CAST: variants seen among roughly 807,000 people sequenced by gnomAD.
CAST encodes the protein calpastatin, also known as MIR583 host.
Under a neutral mutation model 119.6 loss-of-function variants are expected in CAST, and 76 were observed. The observed-to-expected ratio is 0.64, with a 90% CI of 0.53 to 0.77. The LOEUF (loss-of-function observed/expected upper bound fraction) is 0.77. Ranked by LOEUF, CAST falls within the 30% of genes least tolerant of loss-of-function variation. The probability of loss-of-function intolerance (pLI) is 0.00; values close to 1 mark genes in which losing one functional copy is unlikely to be tolerated. For missense variants in CAST, 953 were observed against 946.5 expected (o/e 1.01, Z -0.09); for synonymous variants, 319 against 331.6 (o/e 0.96, Z 0.41).
the CAST span, among the ~76,000 whole-genome samples, chr5:96,409,055 T>C: frequency 6.6e-6 from 1 of 152,232 alleles, no homozygotes; most frequent in Non-Finnish European, 1.5e-5. Flanking sequence ...TTACCCGAGA[T>C]GTTCTCTGTG....
the CAST span, among the ~76,000 whole-genome samples, chr5:96,034,784 C>T: frequency 2.6e-5 from 4 of 151,000 alleles, no homozygotes; most frequent in Non-Finnish European, 5.9e-5. Context: ...CCAACCACCC[C>T]GACCCCTGAT....
the CAST span, among the ~76,000 whole-genome samples, chr5:96,154,690 C>G: frequency 6.6e-6 from 1 of 152,164 alleles, no homozygotes; most frequent in Non-Finnish European, 1.5e-5. Context: ...TGTTTGATGA[C>G]CTTGACTGTT....
the CAST span, among the ~76,000 whole-genome samples, chr5:96,325,245 A>G: frequency 6.6e-6 from 1 of 152,090 alleles, no homozygotes; most frequent in Non-Finnish European, 1.5e-5. Context: ...TAGGAAACTA[A>G]AGCTGAAGAC....
At chr5:96,219,453 A>T in the CAST span, among the ~76,000 whole-genome samples, 1 of 152,202 alleles carries the variant, frequency 6.6e-6, no homozygotes, top group East Asian at 1.9e-4. Flanking sequence ...TCAGAGAGCT[A>T]CTAAATAACT....
rs150051348 is a variant in CAST, at chr5:96,541,250, A to C, written c.60+11370A>C. ...CCAATACTACTTTATTTTTTGCTCA[A>C]ATTGTTCCAGCTTTGGCTACTAAGA... On this transcript the variant is annotated intron_variant, in intron 1 of 11. Coordinates refer to the CAST transcript ENST00000505143. 4.6e-3 allele frequency among the ~76,000 whole-genome samples: 704 copies of C among 152,098 alleles called. 5 individuals carry two copies. The highest frequency in any genetic ancestry group is 0.016 in the African/African-American group (666 of 41,496).
At chr5:96,769,432 G>C (rs181021792) in intron 29 of CAST, 8 of 149,148 alleles carry the variant, frequency 5.4e-5, no homozygotes, top group Non-Finnish European at 8.9e-5. Context: ...ACAAAAGCCA[G>C]TCCTGATCGA....
At chr5:96,061,161 C>G in the CAST span, among the ~76,000 whole-genome samples, 1 of 152,020 alleles carries the variant, frequency 6.6e-6, no homozygotes, top group African/African-American at 2.4e-5. Flanking sequence ...ACACAAAATT[C>G]CACTCCTAAC....
chr5:96,099,824 A>T, the CAST span, among the ~76,000 whole-genome samples: 1 of 152,178 alleles, frequency 6.6e-6, no homozygotes, highest in Non-Finnish European at 1.5e-5. Context: ...TGGTATCAGG[A>T]TGATAATGCT....
At chr5:96,452,731 A>G in the CAST span, among the ~76,000 whole-genome samples, 1 of 143,942 alleles carries the variant, frequency 6.9e-6, no homozygotes, top group Non-Finnish European at 1.5e-5. Flanking sequence ...CGGGTGGATC[A>G]TGAGGTCAGG....
chr5:96,579,744 T>C (rs1352472460), intron 1 of CAST, among the ~76,000 whole-genome samples: 1 of 152,220 alleles, frequency 6.6e-6, no homozygotes, highest in Non-Finnish European at 1.5e-5. Flanking sequence ...TTGTAGTTCA[T>C]GGGGCAGAAC....
the CAST span, among the ~76,000 whole-genome samples, chr5:96,038,341 C>T: frequency 6.6e-6 from 1 of 151,928 alleles, no homozygotes; most frequent in African/African-American, 2.4e-5. Context: ...ATTGCATCCT[C>T]ATGGAGGGGA....
chr5:96,322,253 G>A, the CAST span, among the ~76,000 whole-genome samples: 2 of 152,120 alleles, frequency 1.3e-5, no homozygotes, highest in Non-Finnish European at 2.9e-5. Context: ...TACATTTTGG[G>A]AGGCTGCTTG....
At chr5:96,519,922 T>A in the CAST span, among the ~76,000 whole-genome samples, 2 of 152,214 alleles carry the variant, frequency 1.3e-5, no homozygotes, top group Non-Finnish European at 2.9e-5. Context: ...TTCTAATCCT[T>A]ATTTTCTCTT....
the CAST span, among the ~76,000 whole-genome samples, chr5:96,085,048 C>A: frequency 2.0e-5 from 3 of 152,196 alleles, no homozygotes; most frequent in Non-Finnish European, 4.4e-5. Flanking sequence ...TCTTCTCTAA[C>A]CTTGAAGCTA....
At chr5:96,332,560 C>G in the CAST span, among the ~76,000 whole-genome samples, 1 of 152,096 alleles carries the variant, frequency 6.6e-6, no homozygotes, top group Admixed American at 6.6e-5. Flanking sequence ...ATTGTGCCTT[C>G]CTTTGAGATA....
the CAST span, among the ~76,000 whole-genome samples, chr5:96,076,989 A>T: frequency 1.3e-5 from 2 of 151,156 alleles, no homozygotes; most frequent in Admixed American, 6.6e-5. Flanking sequence ...ATTTTATATT[A>T]TGCTTTTTTA....
the CAST span, among the ~76,000 whole-genome samples, chr5:96,479,898 G>A: frequency 6.6e-6 from 1 of 152,164 alleles, no homozygotes. Context: ...GGTGGCAAGA[G>A]CACTCCAGGC....
chr5:96,437,325 A>G, the CAST span, among the ~76,000 whole-genome samples: 1 of 152,230 alleles, frequency 6.6e-6, no homozygotes, highest in African/African-American at 2.4e-5. Flanking sequence ...GCTAGAAATA[A>G]TTGATCTTTT....
chr5:96,359,528 G>A, the CAST span, among the ~76,000 whole-genome samples: 21 of 151,608 alleles, frequency 1.4e-4, no homozygotes, highest in Non-Finnish European at 2.7e-4. Flanking sequence ...GGCAGGCCTG[G>A]TGGTGACAAA....
Sources: gnomAD v4.1 joint callset for allele counts (sites outside exome capture counted in the v4.1 genomes callset) on GRCh38, gnomAD v4.1.1 for gene constraint, MANE v1.5 for transcripts, NCBI Gene and HGNC (gene_info 2026-07-23, HGNC 2026-07-21) for gene names.